Variants in JAK2 observed in about 807,000 individuals in gnomAD.
The protein encoded by JAK2 is Janus kinase 2.
A neutral mutation model predicts 139.3 loss-of-function variants in JAK2; 86 were observed. That is an observed-to-expected ratio of 0.62 (90% CI 0.52 to 0.74). The LOEUF (loss-of-function observed/expected upper bound fraction) is 0.74, where lower values mean the gene tolerates loss of function less well. Ranked by LOEUF, JAK2 falls within the 30% of genes least tolerant of loss-of-function variation. The pLI is 0.00. For synonymous variants in JAK2, 490 were observed against 437.7 expected (o/e 1.12, Z -1.49); for missense variants, 1,421 against 1,360.3 (o/e 1.04, Z -0.70).
rs1050953318 is a variant in JAK2, at chr9:5,086,072, A to G, written c.2572-3602A>G. On this transcript the variant is annotated intron_variant, in intron 19 of 24. Coordinates refer to ENST00000381652, the MANE Select transcript of JAK2 (RefSeq NM_004972.4). ...TCACAAGATTAAAATAGGGTATCTG[A>G]GACAAGTCAAGTCCCTTCTGCCTAT... The G allele has an allele frequency of 5.3e-5, 36 of 674,132 alleles. 1 individual carries two copies. The South Asian group carries it at 5.4e-4, about 10-fold the overall frequency. The allele number at this position is 674,132 out of a possible 1,614,324, so 41.8% of individuals were successfully genotyped here.
intron 4 of JAK2, chr9:5,041,324 C>A: frequency 1.4e-6 from 1 of 739,116 alleles, no homozygotes; most frequent in Non-Finnish European, 2.3e-6. Context: ...GTGCAGCCAG[C>A]ACAAGAGCTT....
chr9:5,022,588 G>C (rs562878808), intron 3 of JAK2, among the ~76,000 whole-genome samples: 1 of 152,316 alleles, frequency 6.6e-6, no homozygotes, highest in East Asian at 1.9e-4. Flanking sequence ...TTAAAATCTT[G>C]ATTAAATGGC....
intron 4 of JAK2, among the ~76,000 whole-genome samples, chr9:5,038,273 T>C (rs1816216699): frequency 1.3e-5 from 2 of 152,180 alleles, no homozygotes; most frequent in South Asian, 4.1e-4. Context: ...TGAATAGGTC[T>C]ATGACAAATA....
In JAK2 at chr9:5,054,806, A is replaced by T; in HGVS notation, c.858A>T (p.Ala286=). The change falls in exon 7 of 25, where the codon GCA becomes GCT. Residue 286 remains alanine, a synonymous_variant. Coordinates refer to ENST00000381652, the MANE Select transcript of JAK2 (RefSeq NM_004972.4). This position sits in a 1 kb window ranked among gnomAD's most constrained non-coding sequence, Gnocchi z 4.9. ...GTCCTTCAGGTGAGGAGATTTTTGC[A>T]ACCATTATAATAACTGGAAACGGTG... The part of the protein sequence containing the change: ...GSGPSGEEIF[A]TIIITGNGGI... 6.2e-7 allele frequency: 1 copy of T among 1,612,992 alleles called. No individual in the cohort carries two copies. The highest frequency in any genetic ancestry group is 8.5e-7 in the Non-Finnish European group (1 of 1,179,310).
intron 22 of JAK2, chr9:5,114,327 G>T: frequency 7.4e-6 from 4 of 539,198 alleles, no homozygotes; most frequent in South Asian, 1.6e-5. Context: ...GAAGTCTGTG[G>T]CTCAGGTCAT....
intron 22 of JAK2, chr9:5,109,074 T>G (rs911070333): frequency 2.0e-5 from 3 of 152,132 alleles, no homozygotes; most frequent in African/African-American, 7.2e-5. Flanking sequence ...CATGGCTTCA[T>G]TCTCCTGATC....
chr9:4,984,937 TCTC>T (rs1240242212), upstream of JAK2: 5 of 152,188 alleles, frequency 3.3e-5, no homozygotes, highest in Non-Finnish European at 5.9e-5. Flanking sequence ...GTCCCAGGAA[TCTC>T]CACGCGCGCT....
At chr9:4,994,396 C>A (rs1419598226) in intron 2 of JAK2, among the ~76,000 whole-genome samples, 1 of 152,168 alleles carries the variant, frequency 6.6e-6, no homozygotes, top group Non-Finnish European at 1.5e-5. Context: ...CGCTGGGCCC[C>A]ACCCCCAGAG....
chr9:4,987,528 G>T (rs541450213), intron 2 of JAK2, among the ~76,000 whole-genome samples: 29 of 152,180 alleles, frequency 1.9e-4, no homozygotes, highest in African/African-American at 6.0e-4. Flanking sequence ...TTGAGGTGAG[G>T]AGCTTGAGAC....
intron 22 of JAK2, chr9:5,109,324 G>A (rs963884071): frequency 2.6e-5 from 4 of 152,032 alleles, no homozygotes; most frequent in African/African-American, 9.7e-5. Flanking sequence ...ACATTAAATT[G>A]TGGATCTAAT....
At chr9:5,018,451 C>T (rs1440232852) in intron 2 of JAK2, among the ~76,000 whole-genome samples, 1 of 152,116 alleles carries the variant, frequency 6.6e-6, no homozygotes. Context: ...ATCCTTCTGC[C>T]TCAGCCTCTC....
chr9:5,058,628 A>G (rs1264368122), intron 8 of JAK2, among the ~76,000 whole-genome samples: 4 of 152,310 alleles, frequency 2.6e-5, no homozygotes, highest in African/African-American at 7.2e-5. Context: ...GGGAGCCACC[A>G]TGCTGTTTTC....
At chr9:4,987,734 TA>T (rs60356569) in intron 2 of JAK2, among the ~76,000 whole-genome samples, 85,341 of 126,422 alleles carry the variant, frequency 0.68, 28,200 homozygotes, top group African/African-American at 0.77. Flanking sequence ...AGACTCTGTC[TA>T]AAAAAAAAAA....
intron 19 of JAK2, among the ~76,000 whole-genome samples, chr9:5,087,459 A>G (rs778628884): frequency 5.1e-5 from 4 of 77,902 alleles, no homozygotes; most frequent in Non-Finnish European, 9.4e-5. Context: ...GGTGAGGACA[A>G]TGCCAAACCA....
chr9:5,092,079 C>T (rs764322917), intron 22 of JAK2, among the ~76,000 whole-genome samples: 24 of 152,194 alleles, frequency 1.6e-4, no homozygotes, highest in Middle Eastern at 3.4e-3. Context: ...TGTCCTATTA[C>T]AGCACCTAAG....
chr9:5,039,732 A>G (rs772261467), intron 4 of JAK2, among the ~76,000 whole-genome samples: 7 of 152,294 alleles, frequency 4.6e-5, no homozygotes, highest in Middle Eastern at 6.8e-3. Flanking sequence ...AATTTCATTA[A>G]CAATAGCATA....
intron 2 of JAK2, among the ~76,000 whole-genome samples, chr9:4,992,229 A>G (rs945428414): frequency 4.6e-5 from 7 of 152,162 alleles, no homozygotes; most frequent in Non-Finnish European, 8.8e-5. Context: ...GAGCATGTAC[A>G]TGTGGCCTGG....
At chr9:5,041,302 G>A (rs948307069) in intron 4 of JAK2, 4 of 857,090 alleles carry the variant, frequency 4.7e-6, no homozygotes, top group Middle Eastern at 2.3e-4. Flanking sequence ...TCAGGACCAA[G>A]AAGCACATCC....
intron 22 of JAK2, among the ~76,000 whole-genome samples, chr9:5,117,851 C>G (rs1304596849): frequency 6.6e-6 from 1 of 152,076 alleles, no homozygotes; most frequent in African/African-American, 2.4e-5. Context: ...TAATGAGAGG[C>G]TAATAGTAGA....
Sources: gnomAD v4.1 joint callset for allele counts (sites outside exome capture counted in the v4.1 genomes callset) on GRCh38, gnomAD v4.1.1 for gene constraint, Gnocchi (gnomAD v3.1) non-coding constraint, MANE v1.5 for transcripts, NCBI Gene and HGNC (gene_info 2026-07-23, HGNC 2026-07-21) for gene names.